FSTL5: variants seen among roughly 807,000 people sequenced by gnomAD.
FSTL5 encodes the protein follistatin-related protein 5.
In FSTL5, 62 loss-of-function variants were observed where a neutral mutation model predicts 89.1. That is an observed-to-expected ratio of 0.70 (90% CI 0.57 to 0.86). The LOEUF is 0.86. FSTL5 is among the 40% of genes least tolerant of loss of function. FSTL5 has a pLI of 0.00. For missense variants in FSTL5, 1,057 were observed against 1,001.6 expected, an observed-to-expected ratio of 1.06 and a Z score of -0.75; for synonymous variants, 383 against 346.2, an observed-to-expected ratio of 1.11 and a Z score of -1.18.
intron 12 of FSTL5, among the ~76,000 whole-genome samples, chr4:161,491,545 G>A (rs903949775): frequency 6.6e-6 from 1 of 151,946 alleles, no homozygotes; most frequent in Non-Finnish European, 1.5e-5. Context: ...ATAACACTTA[G>A]GAGACAGCCA....
chr4:161,766,277 T>A (rs1306792129), intron 5 of FSTL5, among the ~76,000 whole-genome samples: 1 of 90,784 alleles, frequency 1.1e-5, no homozygotes, highest in African/African-American at 4.3e-5. Context: ...GAAGCAGATT[T>A]TTCATGTTGT....
At chr4:161,872,949 T>C (rs143206552) in intron 4 of FSTL5, among the ~76,000 whole-genome samples, 18 of 152,354 alleles carry the variant, frequency 1.2e-4, no homozygotes, top group Admixed American at 5.9e-4. Flanking sequence ...AAAAGGACTC[T>C]ATTTTGAACA....
intron 6 of FSTL5, among the ~76,000 whole-genome samples, chr4:161,669,577 T>C (rs1030824607): frequency 6.6e-6 from 1 of 151,674 alleles, no homozygotes; most frequent in Non-Finnish European, 1.5e-5. Flanking sequence ...CTGAAACAAA[T>C]GGACATTCAC....
chr4:161,537,479 A>C lies in FSTL5; in HGVS notation c.1312+687T>G, dbSNP rs115244017. 5.5e-3 allele frequency among the ~76,000 whole-genome samples: 841 copies of C among 152,332 alleles called. 10 individuals carry two copies. Among genetic ancestry groups the C allele is most frequent in the African/African-American group, 0.019 (807 of 41,582 alleles). ...ATGCTATAATAGTAGTTTGAGTTCC[A>C]AACAATTCGGCTATCATAAAAAGCA... On this transcript the variant is annotated intron_variant, in intron 10 of 15. Transcript: ENST00000306100.
intron 4 of FSTL5, among the ~76,000 whole-genome samples, chr4:161,886,207 T>C (rs551574184): frequency 6.6e-6 from 1 of 152,256 alleles, no homozygotes; most frequent in Admixed American, 6.5e-5. Context: ...TCCTGTGTCA[T>C]TACAATTCAT....
At chr4:161,401,458 T>A (rs190183183) in intron 15 of FSTL5, among the ~76,000 whole-genome samples, 21 of 152,320 alleles carry the variant, frequency 1.4e-4, no homozygotes, top group African/African-American at 5.1e-4. Context: ...GTTTTAAGAA[T>A]CTCAGTGTTT....
chr4:161,857,617 A>C lies in FSTL5; in HGVS notation c.409+62787T>G, dbSNP rs145831175. On this transcript the variant is annotated intron_variant, in intron 4 of 15. Transcript: ENST00000306100. The stretch of plus-strand genomic sequence containing the variant: ...TACATGAGTAGATTTTAACAAATTT[A>C]TCTCTATTTTAATTATTTAATATTA... Among the ~76,000 whole-genome samples, 22 of 152,242 alleles carry C rather than the reference A, an allele frequency of 1.4e-4. No individual in the cohort carries two copies. In the East Asian group the frequency reaches 4.2e-3, roughly 29 times the overall value.
At chr4:162,138,335 T>C (rs1048677574) in intron 1 of FSTL5, among the ~76,000 whole-genome samples, 7 of 150,882 alleles carry the variant, frequency 4.6e-5, no homozygotes, top group Non-Finnish European at 4.4e-5. Context: ...TTGGTAGTTA[T>C]TGTAATTTAC....
intron 7 of FSTL5, among the ~76,000 whole-genome samples, chr4:161,627,218 T>C (rs1735343348): frequency 6.6e-6 from 1 of 152,116 alleles, no homozygotes; most frequent in Non-Finnish European, 1.5e-5. Context: ...TTTTACAAAA[T>C]TGCCACAGCC....
At chr4:161,754,689 T>C (rs1347615627) in intron 6 of FSTL5, among the ~76,000 whole-genome samples, 1 of 152,134 alleles carries the variant, frequency 6.6e-6, no homozygotes, top group African/African-American at 2.4e-5. Flanking sequence ...GCATATAACA[T>C]CACTTCATCA....
At chr4:161,941,395 C>T (rs891568010) in intron 3 of FSTL5, among the ~76,000 whole-genome samples, 3 of 151,824 alleles carry the variant, frequency 2.0e-5, no homozygotes, top group East Asian at 1.9e-4. Flanking sequence ...ATGCTATCTA[C>T]AAGTAGTTTG....
intron 10 of FSTL5, among the ~76,000 whole-genome samples, chr4:161,535,583 C>G (rs1336084446): frequency 9.2e-5 from 14 of 152,106 alleles, no homozygotes; most frequent in East Asian, 1.9e-4. Context: ...AGTCAAAAAA[C>G]AGTAGATCCT....
intron 8 of FSTL5, among the ~76,000 whole-genome samples, chr4:161,545,827 G>T (rs992050018): frequency 2.0e-5 from 3 of 151,796 alleles, no homozygotes; most frequent in Admixed American, 1.3e-4. Flanking sequence ...AAATAATTTG[G>T]AAAATGGTTG....
chr4:161,643,225 A>G (rs539637672), intron 7 of FSTL5, among the ~76,000 whole-genome samples: 2 of 152,276 alleles, frequency 1.3e-5, no homozygotes, highest in South Asian at 2.1e-4. Context: ...TTGTTCCACT[A>G]TCTTAGCTTA....
intron 2 of FSTL5, among the ~76,000 whole-genome samples, chr4:162,034,531 T>A (rs1737658830): frequency 6.6e-6 from 1 of 152,150 alleles, no homozygotes; most frequent in South Asian, 2.1e-4. Flanking sequence ...ATTCTCCTTA[T>A]TAGTTACCGG....
At chr4:161,574,776 T>G (rs1315959741) in intron 8 of FSTL5, among the ~76,000 whole-genome samples, 2 of 152,198 alleles carry the variant, frequency 1.3e-5, no homozygotes, top group Non-Finnish European at 2.9e-5. Flanking sequence ...GGTTGAAGTC[T>G]TTGCTATTGT....
At chr4:161,471,836 T>C (rs1733952226) in intron 13 of FSTL5, among the ~76,000 whole-genome samples, 1 of 152,226 alleles carries the variant, frequency 6.6e-6, no homozygotes, top group Non-Finnish European at 1.5e-5. Flanking sequence ...CAACATACAA[T>C]TGTTCATGGT....
At position 161,778,092 on chromosome 4, in the gene FSTL5, TCACACACACACA is replaced by T. The variant is rs71598736; in HGVS notation, c.410-2030_410-2019del. 8.4e-4 allele frequency among the ~76,000 whole-genome samples: 124 copies of T among 148,348 alleles called. 1 individual carries two copies. Among genetic ancestry groups the T allele is most frequent in the Admixed American group, 2.5e-3 (37 of 14,922 alleles). ...CTGAATGACAGGGTGAGACTCCGTATCACACACACACACACACACACACACACACACAAAAGG... is the reference window on the plus strand; with the variant it reads ...CTGAATGACAGGGTGAGACTCCGTATCACACACACACACACACACAAAAGG... On this transcript the variant is annotated intron_variant, in intron 4 of 15. Transcript: ENST00000306100.
intron 1 of FSTL5, among the ~76,000 whole-genome samples, chr4:162,151,792 C>T (rs914557862): frequency 1.4e-4 from 22 of 152,048 alleles, no homozygotes; most frequent in African/African-American, 4.1e-4. Flanking sequence ...TAAACAATTC[C>T]GAATTTTGCA....
Sources: gnomAD v4.1 joint callset for allele counts (sites outside exome capture counted in the v4.1 genomes callset) on GRCh38, gnomAD v4.1.1 for gene constraint, MANE v1.5 for transcripts, NCBI Gene and HGNC (gene_info 2026-07-23, HGNC 2026-07-21) for gene names.